MOB1B: variants seen among roughly 807,000 people sequenced by gnomAD.
The protein encoded by MOB1B is MOB1 Mps One Binder homolog B.
Under a neutral mutation model 24.4 loss-of-function variants are expected in MOB1B, and 19 were observed. That is an observed-to-expected ratio of 0.78 (90% CI 0.54 to 1.14). MOB1B has a LOEUF of 1.14. Ranked by LOEUF, MOB1B falls within the 50% of genes most tolerant of loss-of-function variation. MOB1B has a pLI of 0.00. For synonymous variants in MOB1B, 76 were observed against 82.1 expected (o/e 0.93, Z 0.40); for missense variants, 243 against 259.6 (o/e 0.94, Z 0.44).
chr4:70,902,144 C>T (rs760470511), upstream of MOB1B, among the ~76,000 whole-genome samples: 14 of 152,160 alleles, frequency 9.2e-5, no homozygotes, highest in Non-Finnish European at 1.9e-4. Context: ...GCGGCGCACA[C>T]GCTGGGCGTC....
At chr4:70,957,268 A>G (rs1362779676) in intron 1 of MOB1B, among the ~76,000 whole-genome samples, 2 of 150,576 alleles carry the variant, frequency 1.3e-5, no homozygotes, top group Non-Finnish European at 3.0e-5. Context: ...TCAAAAAAAA[A>G]AAAAAAAAAA....
At chr4:70,903,455 C>G (rs1398289561) in intron 1 of MOB1B, among the ~76,000 whole-genome samples, 1 of 152,120 alleles carries the variant, frequency 6.6e-6, no homozygotes, top group Non-Finnish European at 1.5e-5. Flanking sequence ...AGTAGATAAG[C>G]CTCAGGTCCT....
intron 2 of MOB1B, among the ~76,000 whole-genome samples, chr4:70,963,848 A>C (rs939375230): frequency 4.0e-5 from 6 of 151,764 alleles, no homozygotes; most frequent in Non-Finnish European, 5.9e-5. Context: ...AACAAAAAAA[A>C]CCCCAAACAA....
chr4:70,947,220 C>G (rs184664321), intron 1 of MOB1B, among the ~76,000 whole-genome samples: 3 of 152,158 alleles, frequency 2.0e-5, no homozygotes, highest in Admixed American at 2.0e-4. Context: ...ACAAGTGAGT[C>G]GTAGACTCTG....
In MOB1B at chr4:70,938,312, C is replaced by T. The variant is rs181778596; in HGVS notation, c.15-20562C>T. 7.7e-3 allele frequency among the ~76,000 whole-genome samples: 173 copies of T among 22,326 alleles called. 4 individuals carry two copies. The highest frequency in any genetic ancestry group is 0.029 in the African/African-American group (168 of 5,788). 14.6% of individuals were successfully genotyped at this position (22,326 alleles called of 152,430 possible). Reference sequence around the variant, plus strand: ...TTATACATGGTGTGGTCAGATTTGCCGCCCCCGCCCCCCCCCCCCCCCAAA... The same window carrying T: ...TTATACATGGTGTGGTCAGATTTGCTGCCCCCGCCCCCCCCCCCCCCCAAA... On this transcript the variant is annotated intron_variant, in intron 1 of 5. Coordinates refer to ENST00000309395, the MANE Select transcript of MOB1B (RefSeq NM_173468.4).
intron 3 of MOB1B, among the ~76,000 whole-genome samples, chr4:70,972,132 A>G (rs1387425920): frequency 2.0e-5 from 3 of 151,974 alleles, no homozygotes; most frequent in Non-Finnish European, 4.4e-5. Flanking sequence ...GCATTTGTTA[A>G]TACTTAATAA....
At chr4:70,929,330 C>T (rs987603235) in intron 1 of MOB1B, among the ~76,000 whole-genome samples, 22 of 151,782 alleles carry the variant, frequency 1.4e-4, no homozygotes, top group Admixed American at 1.1e-3. Context: ...AAGTGTGTGC[C>T]ACCACGCCCG....
In MOB1B at chr4:70,902,516, G is replaced by C. The variant is rs780479213; in HGVS notation, c.-21G>C. 1 of 1,562,120 alleles carries C rather than the reference G, an allele frequency of 6.4e-7. No homozygotes were observed. Among genetic ancestry groups the C allele is most frequent in the East Asian group, 2.4e-5 (1 of 42,116 alleles). The stretch of plus-strand genomic sequence containing the variant: ...CCGAGGCCTCGCGACCGCCGAGCCT[G>C]CAGCCTGCCCCGCGGCCAACATGAG... On this transcript the variant is annotated 5_prime_UTR_variant, in exon 1 of 6. Transcript: ENST00000309395.
At chr4:70,952,465 A>G (rs1160506629) in intron 1 of MOB1B, among the ~76,000 whole-genome samples, 1 of 151,694 alleles carries the variant, frequency 6.6e-6, no homozygotes, top group Admixed American at 6.6e-5. Context: ...AAAATGGTGA[A>G]ACCCCGTCTC....
intron 1 of MOB1B, among the ~76,000 whole-genome samples, chr4:70,926,377 G>T (rs1311307369): frequency 6.6e-6 from 1 of 151,910 alleles, no homozygotes; most frequent in African/African-American, 2.4e-5. Flanking sequence ...TGTGACCTTG[G>T]GCAGATGACT....
At chr4:70,911,863 C>T (rs1213482394) in intron 1 of MOB1B, among the ~76,000 whole-genome samples, 1 of 151,538 alleles carries the variant, frequency 6.6e-6, no homozygotes, top group Non-Finnish European at 1.5e-5. Flanking sequence ...CCTACGTTTC[C>T]ATTTTTGTTT....
At chr4:70,981,569 G>A (rs73827065) in intron 5 of MOB1B, among the ~76,000 whole-genome samples, 5,406 of 152,214 alleles carry the variant, frequency 0.036, 191 homozygotes, top group East Asian at 0.15. Flanking sequence ...TTCATATAAT[G>A]CTGAATTTGC....
intron 1 of MOB1B, among the ~76,000 whole-genome samples, chr4:70,945,565 C>T (rs1737539862): frequency 6.6e-6 from 1 of 152,194 alleles, no homozygotes. Context: ...TAAATTTTGA[C>T]AAATGTCTAA....
chr4:70,959,986 C>T (rs771726298), intron 2 of MOB1B, among the ~76,000 whole-genome samples: 5 of 152,018 alleles, frequency 3.3e-5, no homozygotes, highest in Non-Finnish European at 5.9e-5. Context: ...TGGGTTCAAG[C>T]GATTCTTCTG....
At chr4:70,969,885 A>G (rs1738686050) in intron 2 of MOB1B, 46 bp from the exon 3 acceptor site, 4 of 1,080,662 alleles carry the variant, frequency 3.7e-6, no homozygotes, top group Non-Finnish European at 5.6e-6. Flanking sequence ...ATTTCATTTT[A>G]AATTTAGCCA....
chr4:70,965,931 CTA>C (rs1489746333), intron 2 of MOB1B, among the ~76,000 whole-genome samples: 2 of 147,538 alleles, frequency 1.4e-5, no homozygotes, highest in African/African-American at 2.5e-5. Flanking sequence ...AAAGTTAACA[CTA>C]GAATAAAAAA....
At chr4:70,920,793 A>C (rs1341846094) in intron 1 of MOB1B, among the ~76,000 whole-genome samples, 2 of 152,248 alleles carry the variant, frequency 1.3e-5, no homozygotes, top group African/African-American at 4.8e-5. Context: ...AGGCAGAGAA[A>C]GAGAAGTATG....
Position 70,959,048 on chromosome 4 carries a change from G to T in MOB1B, c.181+8G>T, listed in dbSNP as rs199745621. ...AATGGGTTGCAGTTAACAGTAAGTAGCCTTTTTATTTCTCAGTAGCCTGTG... is the reference window on the plus strand; with the variant it reads ...AATGGGTTGCAGTTAACAGTAAGTATCCTTTTTATTTCTCAGTAGCCTGTG... On this transcript the variant is annotated splice_region_variant and intron_variant, in intron 2 of 5. Coordinates refer to ENST00000309395, the MANE Select transcript of MOB1B (RefSeq NM_173468.4). The T allele has an allele frequency of 4.3e-4, 699 of 1,612,510 alleles. No individual in the cohort carries two copies. The highest frequency in any genetic ancestry group is 5.7e-4 in the Non-Finnish European group (672 of 1,179,136).
rs1739306199 is a variant in MOB1B, at chr4:70,984,146, A to G, written c.*2089A>G. 6.6e-6 allele frequency: 1 copy of G among 152,562 alleles called. No homozygotes were observed. The allele number at this position is 152,562 out of a possible 1,614,324, so 9.5% of individuals were successfully genotyped here. On this transcript the variant is annotated 3_prime_UTR_variant, in exon 6 of 6. Transcript: ENST00000309395. ...GTAGTACACTGTACTTGTTTTTAGT[A>G]GTAAGACCTACTTTCCCACTATATG...
Sources: gnomAD v4.1 joint callset for allele counts (sites outside exome capture counted in the v4.1 genomes callset) on GRCh38, gnomAD v4.1.1 for gene constraint, MANE v1.5 for transcripts, NCBI Gene and HGNC (gene_info 2026-07-23, HGNC 2026-07-21) for gene names.